Variants in LARGE1 observed in about 807,000 individuals in gnomAD.
The protein encoded by LARGE1 is xylosyl- and glucuronyltransferase LARGE1.
In LARGE1, 43 loss-of-function variants were observed where a neutral mutation model predicts 87.6. The ratio of observed to expected loss-of-function variants is 0.49; its 90% CI spans 0.38 to 0.63. The LOEUF (loss-of-function observed/expected upper bound fraction) is 0.63, where lower values mean the gene tolerates loss of function less well. Ranked by LOEUF, LARGE1 falls within the 30% of genes least tolerant of loss-of-function variation. The pLI, the probability that LARGE1 is intolerant of heterozygous loss-of-function variation, is 0.00. For synonymous variants in LARGE1, 434 were observed against 394.6 expected (o/e 1.10, Z -1.18); for missense variants, 802 against 1,000.2 (o/e 0.80, Z 2.67).
At chr22:33,103,594 G>A in the LARGE1 span, among the ~76,000 whole-genome samples, 38 of 152,242 alleles carry the variant, frequency 2.5e-4, no homozygotes, top group Middle Eastern at 0.014. Context: ...ACCATGTTGC[G>A]AGCTGTCCAT....
chr22:33,105,756 C>T, the LARGE1 span: 1 of 152,174 alleles, frequency 6.6e-6, no homozygotes, highest in Non-Finnish European at 1.5e-5. Context: ...AATGAGCTCT[C>T]TTAAGCCAGG....
At chr22:33,309,533 A>T (rs1935327528) in intron 11 of LARGE1, among the ~76,000 whole-genome samples, 1 of 152,180 alleles carries the variant, frequency 6.6e-6, no homozygotes, top group South Asian at 2.1e-4. Context: ...CACAGTAATG[A>T]GGCACTCTCT....
intron 6 of LARGE1, among the ~76,000 whole-genome samples, chr22:33,548,198 T>C (rs1345170408): frequency 6.6e-6 from 1 of 152,162 alleles, no homozygotes; most frequent in Non-Finnish European, 1.5e-5. Context: ...AGAGTTCTCA[T>C]GAGATCTGGT....
At chr22:33,531,602 A>G (rs2072206338) in intron 6 of LARGE1, among the ~76,000 whole-genome samples, 1 of 152,234 alleles carries the variant, frequency 6.6e-6, no homozygotes, top group Non-Finnish European at 1.5e-5. Context: ...ACAAGGAAAC[A>G]TGAATATGTT....
At chr22:33,419,453 T>C (rs2147549886) in intron 7 of LARGE1, among the ~76,000 whole-genome samples, 1 of 151,930 alleles carries the variant, frequency 6.6e-6, no homozygotes, top group African/African-American at 2.4e-5. Context: ...CACGCCTGCT[T>C]GGTGGCCTTT....
intron 6 of LARGE1, among the ~76,000 whole-genome samples, chr22:33,467,581 T>C (rs1038732811): frequency 1.3e-5 from 2 of 152,220 alleles, no homozygotes; most frequent in Non-Finnish European, 2.9e-5. Flanking sequence ...GAGTCTTCCA[T>C]CCTTTGGAAT....
intron 2 of LARGE1, among the ~76,000 whole-genome samples, chr22:33,708,293 A>G (rs2082622597): frequency 6.6e-6 from 1 of 152,006 alleles, no homozygotes. Flanking sequence ...AAGGGATATG[A>G]CAGTGCACTG....
intron 1 of LARGE1, among the ~76,000 whole-genome samples, chr22:33,867,081 G>A (rs555034978): frequency 2.0e-5 from 3 of 152,308 alleles, no homozygotes; most frequent in African/African-American, 4.8e-5. Flanking sequence ...TGGATGGATA[G>A]ATGAATGAAT....
chr22:33,236,976 G>T (rs1926283600), intron 11 of LARGE1, among the ~76,000 whole-genome samples: 1 of 152,238 alleles, frequency 6.6e-6, no homozygotes, highest in South Asian at 2.1e-4. Flanking sequence ...GACAGTGGAT[G>T]TGGACAAGCT....
chr22:33,271,468 T>C (rs1928240432), downstream of LARGE1, among the ~76,000 whole-genome samples: 3 of 152,202 alleles, frequency 2.0e-5, no homozygotes, highest in Admixed American at 2.0e-4. Context: ...CTGCACATAG[T>C]GGTTACTGAA....
chr22:33,417,957 C>T (rs769467652), intron 7 of LARGE1, among the ~76,000 whole-genome samples: 11 of 151,854 alleles, frequency 7.2e-5, no homozygotes, highest in Non-Finnish European at 1.2e-4. Flanking sequence ...ATTCTCTGCT[C>T]TTTTTTTTGA....
chr22:33,303,046 A>G (rs910715065), intron 12 of LARGE1, among the ~76,000 whole-genome samples: 1 of 152,220 alleles, frequency 6.6e-6, no homozygotes, highest in African/African-American at 2.4e-5. Flanking sequence ...ATGTCATTGG[A>G]CCATGATACT....
Position 33,276,100 on chromosome 22 carries a change from G to A in LARGE1, c.2073+960C>T, listed in dbSNP as rs757404472. Among the ~76,000 whole-genome samples, 7 of 151,990 alleles carry A rather than the reference G, an allele frequency of 4.6e-5. No individual in the cohort carries two copies. In the East Asian group the frequency reaches 7.7e-4, roughly 17 times the overall value. On this transcript the variant is annotated intron_variant, in intron 14 of 14. Transcript: ENST00000397394. ...AGTTCTCCTGGTGATTCTCATGAAC[G>A]GCCAGCGCTCAGTATCCAACCTTAG...
chr22:33,360,070 T>A lies in LARGE1; in HGVS notation c.1131+21849A>T, dbSNP rs981069392. On this transcript the variant is annotated intron_variant, in intron 9 of 14. Transcript: ENST00000397394. ...AAATCACATCTGTAATCCCTGCACT[T>A]TGGGAGACTGAGGTGGGCAGATCAC... is the stretch of plus-strand genomic sequence containing the variant. Among the ~76,000 whole-genome samples, 8 of 149,788 alleles carry A rather than the reference T, an allele frequency of 5.3e-5. 1 individual carries two copies. Among genetic ancestry groups the A allele is most frequent in the African/African-American group, 2.0e-4 (8 of 40,712 alleles).
At chr22:33,633,894 T>A (rs1039179245) in intron 3 of LARGE1, among the ~76,000 whole-genome samples, 5 of 152,248 alleles carry the variant, frequency 3.3e-5, no homozygotes, top group Non-Finnish European at 7.4e-5. Flanking sequence ...GGCAACGTAG[T>A]GTGCAAATCC....
chr22:33,290,405 C>T (rs1353236792), intron 12 of LARGE1, among the ~76,000 whole-genome samples: 1 of 152,206 alleles, frequency 6.6e-6, no homozygotes, highest in Non-Finnish European at 1.5e-5. Flanking sequence ...TAATTAATCT[C>T]TTGGTTCTGC....
intron 9 of LARGE1, among the ~76,000 whole-genome samples, chr22:33,343,454 T>C (rs1468354494): frequency 6.6e-6 from 1 of 152,112 alleles, no homozygotes; most frequent in African/African-American, 2.4e-5. Context: ...TATGTATCCA[T>C]ATATATATAT....
At chr22:33,429,389 G>A (rs1436364653) in intron 7 of LARGE1, among the ~76,000 whole-genome samples, 1 of 152,170 alleles carries the variant, frequency 6.6e-6, no homozygotes, top group Non-Finnish European at 1.5e-5. Context: ...GTACCAGCGA[G>A]GAGGGAAGTA....
chr22:33,881,289 C>T (rs989227854), intron 1 of LARGE1, among the ~76,000 whole-genome samples: 2 of 152,250 alleles, frequency 1.3e-5, no homozygotes, highest in East Asian at 3.9e-4. Context: ...AAGCCTGTAG[C>T]GGGCCCTGGT....
Sources: gnomAD v4.1 joint callset for allele counts (sites outside exome capture counted in the v4.1 genomes callset) on GRCh38, gnomAD v4.1.1 for gene constraint, MANE v1.5 for transcripts, NCBI Gene and HGNC (gene_info 2026-07-23, HGNC 2026-07-21) for gene names.